Variants in PIBF1 observed in about 807,000 individuals in gnomAD.
The protein encoded by PIBF1 is progesterone-induced-blocking factor 1.
A neutral mutation model predicts 112.5 loss-of-function variants in PIBF1; 90 were observed. That is an observed-to-expected ratio of 0.80 (90% CI 0.67 to 0.95). The LOEUF (loss-of-function observed/expected upper bound fraction) is 0.95, where lower values mean the gene tolerates loss of function less well. PIBF1 is among the 40% of genes least tolerant of loss of function. The pLI, the probability that PIBF1 is intolerant of heterozygous loss-of-function variation, is 0.00. For synonymous variants in PIBF1, 301 were observed against 288.6 expected (o/e 1.04, Z -0.44); for missense variants, 915 against 852.3 (o/e 1.07, Z -0.92).
intron 10 of PIBF1, among the ~76,000 whole-genome samples, chr13:72,864,288 T>C (rs1008976830): frequency 1.3e-5 from 2 of 152,178 alleles, no homozygotes; most frequent in African/African-American, 4.8e-5. Context: ...GCCAGCTGCC[T>C]CCCAAATGTG....
At chr13:72,818,584 CTTTAACAGAA>C (rs2036399044) in intron 5 of PIBF1, among the ~76,000 whole-genome samples, 2 of 150,546 alleles carry the variant, frequency 1.3e-5, no homozygotes, top group Admixed American at 1.3e-4. Flanking sequence ...TTCAACTTGT[CTTTAACAGAA>C]TTTCCAATCC....
At chr13:72,806,998 C>A (rs76523459) in intron 5 of PIBF1, among the ~76,000 whole-genome samples, 1 of 139,872 alleles carries the variant, frequency 7.1e-6, no homozygotes, top group Non-Finnish European at 1.6e-5. Context: ...TTTTTTTTTT[C>A]TATTTTAAGG....
intron 9 of PIBF1, among the ~76,000 whole-genome samples, chr13:72,848,081 T>C (rs2037952342): frequency 6.6e-6 from 1 of 152,238 alleles, no homozygotes; most frequent in Non-Finnish European, 1.5e-5. Flanking sequence ...TAGTTGCGCC[T>C]GCTGAGCTCT....
At chr13:72,848,754 C>G (rs762014453) in intron 9 of PIBF1, among the ~76,000 whole-genome samples, 6 of 151,880 alleles carry the variant, frequency 4.0e-5, no homozygotes, top group Non-Finnish European at 8.8e-5. Context: ...ATGGCATGAA[C>G]CCGGGAAGCG....
intron 4 of PIBF1, among the ~76,000 whole-genome samples, 190 bp downstream of exon 4, chr13:72,795,747 G>A (rs953349068): frequency 6.6e-6 from 1 of 152,126 alleles, no homozygotes; most frequent in Non-Finnish European, 1.5e-5. Flanking sequence ...CAATAAATAG[G>A]TTTCTGAAGT....
intron 10 of PIBF1, among the ~76,000 whole-genome samples, chr13:72,891,488 T>G (rs1339759676): frequency 8.8e-6 from 1 of 113,172 alleles, no homozygotes; most frequent in Non-Finnish European, 1.8e-5. Flanking sequence ...ATTAATACTT[T>G]TTTTTAGTAA....
chr13:72,795,704 A>G, intron 4 of PIBF1, 147 bp downstream of exon 4: 2 of 596,072 alleles, frequency 3.4e-6, no homozygotes, highest in Non-Finnish European at 5.9e-6. Context: ...TCCAAATTTT[A>G]AAGGATCATG....
At chr13:72,905,833 A>T (rs2040684226) in intron 11 of PIBF1, among the ~76,000 whole-genome samples, 1 of 152,176 alleles carries the variant, frequency 6.6e-6, no homozygotes, top group African/African-American at 2.4e-5. Flanking sequence ...ATATGGAAAA[A>T]CACCTTTCTA....
chr13:72,790,579 G>A (rs1293864051), intron 2 of PIBF1, among the ~76,000 whole-genome samples: 1 of 151,816 alleles, frequency 6.6e-6, no homozygotes, highest in African/African-American at 2.4e-5. Flanking sequence ...CAGCATATAG[G>A]TGGCACCTAA....
chr13:72,885,190 A>G (rs910954403), intron 10 of PIBF1, among the ~76,000 whole-genome samples: 1 of 152,020 alleles, frequency 6.6e-6, no homozygotes, highest in Non-Finnish European at 1.5e-5. Flanking sequence ...CATTATCCAC[A>G]CTGTATATTT....
intron 14 of PIBF1, among the ~76,000 whole-genome samples, chr13:72,938,563 C>T (rs1328373473): frequency 6.6e-6 from 1 of 152,110 alleles, no homozygotes; most frequent in African/African-American, 2.4e-5. Context: ...AATAATATTC[C>T]ATTTTGCAGA....
At position 72,939,828 on chromosome 13, in the gene PIBF1, T is replaced by C. The variant is rs144940894; in HGVS notation, c.1833+8561T>C. 5.9e-5 allele frequency among the ~76,000 whole-genome samples: 9 copies of C among 152,270 alleles called. No individual in the cohort carries two copies. The East Asian group carries it at 1.7e-3, about 29-fold the overall frequency. The stretch of plus-strand genomic sequence containing the variant: ...AAGGAATTTGAGGTTGACTTTTCTC[T>C]CCCTCTCTCTCTTTTTCAGTAGTTG... On this transcript the variant is annotated intron_variant, in intron 14 of 17. Transcript: ENST00000326291.
At chr13:72,792,756 A>T (rs572645431) in intron 3 of PIBF1, among the ~76,000 whole-genome samples, 4 of 152,232 alleles carry the variant, frequency 2.6e-5, no homozygotes, top group African/African-American at 9.6e-5. Flanking sequence ...TTCATTCAAC[A>T]AACATTGGTC....
chr13:72,911,713 A>G (rs1324356293), intron 12 of PIBF1, among the ~76,000 whole-genome samples: 1 of 152,228 alleles, frequency 6.6e-6, no homozygotes, highest in Non-Finnish European at 1.5e-5. Flanking sequence ...CCACAATTTT[A>G]TATCTGACAA....
intron 17 of PIBF1, among the ~76,000 whole-genome samples, chr13:73,014,193 T>C (rs1250855970): frequency 1.3e-5 from 2 of 151,990 alleles, no homozygotes; most frequent in African/African-American, 4.8e-5. Flanking sequence ...AGACTGGTCT[T>C]GAACTCCTGA....
chr13:72,948,463 A>G (rs1417385453), intron 14 of PIBF1, among the ~76,000 whole-genome samples: 4 of 152,158 alleles, frequency 2.6e-5, no homozygotes, highest in South Asian at 2.1e-4. Context: ...AGGAAGTTCA[A>G]CCAGTCTCTA....
intron 17 of PIBF1, among the ~76,000 whole-genome samples, chr13:73,000,459 G>A (rs1327601791): frequency 6.6e-6 from 1 of 152,180 alleles, no homozygotes; most frequent in Non-Finnish European, 1.5e-5. Flanking sequence ...TGGTGAGCAG[G>A]AGTCACACAG....
At chr13:72,848,588 G>T (rs191702475) in intron 9 of PIBF1, among the ~76,000 whole-genome samples, 1 of 152,288 alleles carries the variant, frequency 6.6e-6, no homozygotes. Flanking sequence ...GCTCACGCCT[G>T]TAGTCCCAGC....
chr13:72,945,507 A>T (rs1174514702), intron 14 of PIBF1, among the ~76,000 whole-genome samples: 1 of 152,204 alleles, frequency 6.6e-6, no homozygotes, highest in Admixed American at 6.5e-5. Context: ...TCCTACCAAC[A>T]ATATACAAGC....
Sources: allele counts gnomAD v4.1 joint callset (sites outside exome capture counted in the v4.1 genomes callset), GRCh38; gene constraint gnomAD v4.1.1; transcripts MANE v1.5; gene names NCBI Gene and HGNC (gene_info 2026-07-23, HGNC 2026-07-21).